The following ST6GALNAC3 variants were observed in gnomAD, a reference collection of about 807,000 sequenced individuals.
The protein encoded by ST6GALNAC3 is ST6 N-acetylgalactosaminide alpha-2,6-sialyltransferase 3, also known as alpha-N-acetylgalactosaminide alpha-2,6-sialyltransferase 3.
ST6GALNAC3 carries 25 observed loss-of-function variants against 32.7 expected under a neutral mutation model. That is an observed-to-expected ratio of 0.76 (90% confidence interval 0.56 to 1.07). The LOEUF (loss-of-function observed/expected upper bound fraction) is 1.07. Among genes scored for constraint, ST6GALNAC3 ranks in the 50% least tolerant of loss-of-function variants. ST6GALNAC3 has a pLI of 0.00. For synonymous variants in ST6GALNAC3, 129 were observed against 133.1 expected (o/e 0.97, Z 0.21); for missense variants, 355 against 382.4 (o/e 0.93, Z 0.60).
chr1:76,231,840 C>A (rs989745673), intron 1 of ST6GALNAC3, among the ~76,000 whole-genome samples: 1 of 152,126 alleles, frequency 6.6e-6, no homozygotes, highest in Admixed American at 6.5e-5. Context: ...GCTTTAGATT[C>A]TTGTGGATAT....
At chr1:76,472,037 C>G (rs901782314) in intron 3 of ST6GALNAC3, among the ~76,000 whole-genome samples, 3 of 152,090 alleles carry the variant, frequency 2.0e-5, no homozygotes, top group African/African-American at 7.2e-5. Context: ...CCCTAGCAAA[C>G]ATGACATTTA....
intron 1 of ST6GALNAC3, 35 bp from the exon 2 acceptor site, chr1:76,313,769 AT>A (rs1646813683): frequency 6.2e-7 from 1 of 1,607,986 alleles, no homozygotes; most frequent in African/African-American, 1.3e-5. Flanking sequence ...GTTGAAAGTC[AT>A]TCGTTCTTCT....
At chr1:76,621,131 A>G (rs1648618209) in intron 3 of ST6GALNAC3, among the ~76,000 whole-genome samples, 1 of 149,854 alleles carries the variant, frequency 6.7e-6, no homozygotes, top group African/African-American at 2.4e-5. Context: ...CTCCTTTTGT[A>G]CAATTTCATT....
chr1:76,172,427 C>T (rs1652580674), intron 1 of ST6GALNAC3, among the ~76,000 whole-genome samples: 1 of 152,154 alleles, frequency 6.6e-6, no homozygotes, highest in Non-Finnish European at 1.5e-5. Flanking sequence ...AAAACCAGTA[C>T]AAGACCAGGA....
chr1:76,223,039 C>G (rs1354516337), intron 1 of ST6GALNAC3, among the ~76,000 whole-genome samples: 2 of 151,980 alleles, frequency 1.3e-5, no homozygotes, highest in African/African-American at 4.8e-5. Flanking sequence ...CTAGGAATCC[C>G]ATTGTATACC....
At chr1:76,328,800 T>G (rs1377099368) in intron 2 of ST6GALNAC3, among the ~76,000 whole-genome samples, 1 of 152,192 alleles carries the variant, frequency 6.6e-6, no homozygotes, top group Non-Finnish European at 1.5e-5. Context: ...AAGTTTTAGG[T>G]GCTGAGCTGT....
intron 1 of ST6GALNAC3, among the ~76,000 whole-genome samples, chr1:76,286,200 T>TA (rs1433477415): frequency 6.6e-6 from 1 of 152,208 alleles, no homozygotes; most frequent in East Asian, 1.9e-4. Flanking sequence ...TGCTTCTGTT[T>TA]ACCAGGATTT....
At chr1:76,201,316 G>A (rs1043256106) in intron 1 of ST6GALNAC3, among the ~76,000 whole-genome samples, 7 of 152,200 alleles carry the variant, frequency 4.6e-5, no homozygotes, top group African/African-American at 1.4e-4. Flanking sequence ...GCAAGAGAGA[G>A]GGCATGTGCT....
intron 2 of ST6GALNAC3, among the ~76,000 whole-genome samples, chr1:76,341,731 T>C (rs1178258552): frequency 6.6e-6 from 1 of 151,020 alleles, no homozygotes; most frequent in Non-Finnish European, 1.5e-5. Context: ...TAATTATACT[T>C]TAAGTTCTGG....
chr1:76,585,414 T>C (rs1646948191), intron 3 of ST6GALNAC3, among the ~76,000 whole-genome samples: 1 of 150,610 alleles, frequency 6.6e-6, no homozygotes, highest in Non-Finnish European at 1.5e-5. Context: ...AAACTATAAA[T>C]ATTCTTAAGG....
In ST6GALNAC3 at chr1:76,412,262, A is replaced by G. The variant is rs1640750028; in HGVS notation, c.468A>G (p.Gly156=). The G allele has an allele frequency of 6.8e-6, 11 of 1,613,536 alleles. No individual in the cohort carries two copies. The highest frequency in any genetic ancestry group is 9.3e-6 in the Non-Finnish European group (11 of 1,179,778). Reference sequence around the variant, plus strand: ...ATACTACTATTTATGTTATTTGGGGACCTTTCCGCAATATGAGGAAAGATG... The same window carrying G: ...ATACTACTATTTATGTTATTTGGGGGCCTTTCCGCAATATGAGGAAAGATG... ...EANTTIYVIW[G]PFRNMRKDGN... Residue 156 remains glycine (G), a synonymous_variant, in exon 3 of 5, where the codon GGA becomes GGG. Transcript: ENST00000328299.
intron 1 of ST6GALNAC3, among the ~76,000 whole-genome samples, chr1:76,222,945 GT>G (rs756636652): frequency 6.6e-6 from 1 of 152,156 alleles, no homozygotes; most frequent in Non-Finnish European, 1.5e-5. Flanking sequence ...CTTATACATT[GT>G]TTGTGGGAGG....
intron 1 of ST6GALNAC3, among the ~76,000 whole-genome samples, chr1:76,186,462 G>A (rs1213124860): frequency 2.0e-5 from 3 of 151,602 alleles, no homozygotes; most frequent in Non-Finnish European, 2.9e-5. Context: ...TAGTAATCCT[G>A]AGGGAAAAAA....
chr1:76,277,103 G>A (rs945031856), intron 1 of ST6GALNAC3, among the ~76,000 whole-genome samples: 3 of 152,014 alleles, frequency 2.0e-5, no homozygotes, highest in Non-Finnish European at 4.4e-5. Flanking sequence ...AATTTGCAAT[G>A]TACATTTTCA....
chr1:76,176,282 C>T (rs935736460), intron 1 of ST6GALNAC3, among the ~76,000 whole-genome samples: 6 of 152,174 alleles, frequency 3.9e-5, no homozygotes, highest in African/African-American at 9.7e-5. Context: ...ACTGCCCAGA[C>T]GGCATCAGTA....
intron 3 of ST6GALNAC3, among the ~76,000 whole-genome samples, chr1:76,617,536 A>G (rs1351868541): frequency 6.6e-6 from 1 of 152,226 alleles, no homozygotes. Flanking sequence ...ATCAATTCAG[A>G]AAGGGCATGA....
chr1:76,434,118 G>A (rs1195831422), intron 3 of ST6GALNAC3, among the ~76,000 whole-genome samples: 1 of 152,182 alleles, frequency 6.6e-6, no homozygotes, highest in Admixed American at 6.5e-5. Flanking sequence ...GCAGGGCACT[G>A]AATAAAATGC....
At chr1:76,277,479 C>T (rs1659195411) in intron 1 of ST6GALNAC3, among the ~76,000 whole-genome samples, 1 of 148,888 alleles carries the variant, frequency 6.7e-6, no homozygotes, top group Non-Finnish European at 1.5e-5. Flanking sequence ...GAATAAGACC[C>T]CCTCCTTCAT....
intron 3 of ST6GALNAC3, chr1:76,577,393 TTGTGAAAACGAGCCC>T: frequency 6.6e-6 from 6 of 909,662 alleles, no homozygotes; most frequent in Non-Finnish European, 7.9e-6. Flanking sequence ...GAAATCGCTC[TTGTGAAAACGAGCCC>T]TGATAGTATC....
Sources: allele counts gnomAD v4.1 joint callset (sites outside exome capture counted in the v4.1 genomes callset), GRCh38; gene constraint gnomAD v4.1.1; transcripts MANE v1.5; gene names NCBI Gene and HGNC (gene_info 2026-07-23, HGNC 2026-07-21).